Variants in TCF7L1 observed in about 807,000 individuals in gnomAD.
TCF7L1 encodes transcription factor 7 like 1.
Under a neutral mutation model 63.7 loss-of-function variants are expected in TCF7L1, and 18 were observed. The ratio of observed to expected loss-of-function variants is 0.28; its 90% CI spans 0.20 to 0.42. The LOEUF (loss-of-function observed/expected upper bound fraction) is 0.42. Among genes scored for constraint, TCF7L1 ranks in the 10% least tolerant of loss-of-function variants. The pLI, the probability that TCF7L1 is intolerant of heterozygous loss-of-function variation, is 1.00. For synonymous variants in TCF7L1, 355 were observed against 340.9 expected, an observed-to-expected ratio of 1.04 and a Z score of -0.46; for missense variants, 654 against 779.3, an observed-to-expected ratio of 0.84 and a Z score of 1.91.
intron 4 of TCF7L1, among the ~76,000 whole-genome samples, chr2:85,294,395 G>A (rs1195657082): frequency 2.6e-5 from 4 of 152,118 alleles, no homozygotes; most frequent in Non-Finnish European, 5.9e-5. Context: ...ATCACACTTT[G>A]CAGAGTTTGA....
At chr2:85,180,919 A>G (rs1450914250) in intron 3 of TCF7L1, among the ~76,000 whole-genome samples, 4 of 152,226 alleles carry the variant, frequency 2.6e-5, no homozygotes, top group Admixed American at 2.6e-4. Context: ...TCTGAAGCAC[A>G]TGATTCCTAG....
chr2:85,239,623 T>C (rs1469950936), intron 3 of TCF7L1, among the ~76,000 whole-genome samples: 1 of 152,112 alleles, frequency 6.6e-6, no homozygotes, highest in Non-Finnish European at 1.5e-5. Context: ...GAAGCAGTAA[T>C]TTTAAATTTT....
intron 3 of TCF7L1, among the ~76,000 whole-genome samples, chr2:85,212,243 T>C (rs1467233703): frequency 6.6e-6 from 1 of 152,090 alleles, no homozygotes; most frequent in Non-Finnish European, 1.5e-5. Flanking sequence ...CTCTGTGGTG[T>C]GTCTGGGCTG....
In TCF7L1 at chr2:85,302,549, C is replaced by T. The variant is rs1368642087; in HGVS notation, c.591C>T (p.Tyr197=). The T allele has an allele frequency of 6.2e-7, 1 of 1,614,102 alleles. No individual in the cohort carries two copies. The highest frequency in any genetic ancestry group is 8.5e-7 in the Non-Finnish European group (1 of 1,180,040). Reference sequence around the variant, plus strand: ...ATCCGCTGACTCCCCTCATCACCTACAGCAATGACCACTTCTCCCCCGGCT... The same window carrying T: ...ATCCGCTGACTCCCCTCATCACCTATAGCAATGACCACTTCTCCCCCGGCT... The part of the protein sequence containing the change: ...HMHPLTPLIT[Y]SNDHFSPGSP... Residue 197 remains tyrosine (Y), a synonymous_variant, in exon 5 of 12, where the codon TAC becomes TAT. Coordinates refer to ENST00000282111, the MANE Select transcript of TCF7L1 (RefSeq NM_031283.3).
chr2:85,307,845 C>T (rs1303856330), intron 11 of TCF7L1, 128 bp downstream of exon 11: 4 of 788,778 alleles, frequency 5.1e-6, no homozygotes, highest in Non-Finnish European at 8.3e-6. Context: ...GTATTATTAC[C>T]CCTTTCTCGA....
chr2:85,284,766 G>A (rs543462760), intron 4 of TCF7L1, among the ~76,000 whole-genome samples: 3 of 152,312 alleles, frequency 2.0e-5, no homozygotes, highest in South Asian at 2.1e-4. Flanking sequence ...GGTATTAGGC[G>A]TTGGGCTTCT....
At position 85,134,965 on chromosome 2, in the gene TCF7L1, C is replaced by T. The variant is rs942367216; in HGVS notation, c.441+515C>T. 2.6e-5 allele frequency among the ~76,000 whole-genome samples: 4 copies of T among 152,192 alleles called. No homozygotes were observed. The highest frequency in any genetic ancestry group is 9.6e-5 in the African/African-American group (4 of 41,458). ...CCCTCGCACCGGGGCCTCAGCTTTTCTGCGGAGCTAGCTCCGAATTTTAAA... is the reference window on the plus strand; with the variant it reads ...CCCTCGCACCGGGGCCTCAGCTTTTTTGCGGAGCTAGCTCCGAATTTTAAA... On this transcript the variant is annotated intron_variant, in intron 3 of 11. Transcript: ENST00000282111. The surrounding 1 kb of genome is among the most constrained non-coding windows in gnomAD (Gnocchi z 5.0).
intron 3 of TCF7L1, among the ~76,000 whole-genome samples, chr2:85,141,355 G>A (rs1677732622): frequency 6.6e-6 from 1 of 152,210 alleles, no homozygotes; most frequent in African/African-American, 2.4e-5. Context: ...GTAGAGAGAA[G>A]AGACATTAGC....
chr2:85,248,733 C>T (rs1680524738), intron 3 of TCF7L1, among the ~76,000 whole-genome samples: 1 of 152,150 alleles, frequency 6.6e-6, no homozygotes, highest in African/African-American at 2.4e-5. Flanking sequence ...CATAGCTGAT[C>T]CACCCACTTT....
At chr2:85,285,477 AGGAACCGTGAGTGCG>A (rs1486165533) in intron 4 of TCF7L1, among the ~76,000 whole-genome samples, 2 of 151,802 alleles carry the variant, frequency 1.3e-5, no homozygotes, top group African/African-American at 4.9e-5. Flanking sequence ...TGACAGTGGA[AGGAACCGTGAGTGCG>A]GGACCAGCCA....
rs536579991 is a variant in TCF7L1 at position 85,163,367 on chromosome 2, G to A, written c.441+28917G>A. 2.6e-5 allele frequency among the ~76,000 whole-genome samples: 4 copies of A among 152,264 alleles called. No homozygotes were observed. In the South Asian group the frequency reaches 8.3e-4, roughly 32 times the overall value. ...CCCTCCCCCATAAGACCATGGGCTG[G>A]TGGTAGAGTTGCCAGCAGTTCTTTC... On this transcript the variant is annotated intron_variant, in intron 3 of 11. Coordinates refer to ENST00000282111, the MANE Select transcript of TCF7L1 (RefSeq NM_031283.3).
At position 85,251,301 on chromosome 2, in the gene TCF7L1, C is replaced by T. The variant is rs1034885790; in HGVS notation, c.442-32194C>T. ...GTAGGTCACTGCCCTGCTTAATGAC[C>T]CATATCCGGATATTATTATGTCTAA... On this transcript the variant is annotated intron_variant, in intron 3 of 11. Coordinates refer to ENST00000282111, the MANE Select transcript of TCF7L1 (RefSeq NM_031283.3). Among the ~76,000 whole-genome samples the T allele has an allele frequency of 2.0e-5, 3 of 152,264 alleles. No homozygotes were observed. In the South Asian group the frequency reaches 6.2e-4, roughly 32 times the overall value.
intron 3 of TCF7L1, among the ~76,000 whole-genome samples, chr2:85,175,627 G>A (rs1678662974): frequency 1.3e-5 from 2 of 152,210 alleles, no homozygotes; most frequent in Admixed American, 1.3e-4. Flanking sequence ...GTAATCCCCA[G>A]TAGCAGATAA....
At chr2:85,259,384 G>C (rs1012685345) in intron 3 of TCF7L1, among the ~76,000 whole-genome samples, 1 of 152,168 alleles carries the variant, frequency 6.6e-6, no homozygotes, top group Non-Finnish European at 1.5e-5. Flanking sequence ...TTGGGAATTC[G>C]TATCTGTAGG....
At chr2:85,245,178 AG>A (rs1019287729) in intron 3 of TCF7L1, among the ~76,000 whole-genome samples, 1 of 152,198 alleles carries the variant, frequency 6.6e-6, no homozygotes, top group Non-Finnish European at 1.5e-5. Flanking sequence ...TAGGAGACTC[AG>A]GAAAAAGTCT....
At chr2:85,289,918 C>CCT (rs1681651839) in intron 4 of TCF7L1, among the ~76,000 whole-genome samples, 5 of 151,546 alleles carry the variant, frequency 3.3e-5, no homozygotes, top group Non-Finnish European at 5.9e-5. Flanking sequence ...ACGGGATCCG[C>CCT]GCACCTCAGC....
intron 3 of TCF7L1, among the ~76,000 whole-genome samples, chr2:85,262,871 G>T (rs1680888758): frequency 6.6e-6 from 1 of 152,162 alleles, no homozygotes; most frequent in Admixed American, 6.5e-5. Context: ...GCTAACACAG[G>T]GTACTTGCTA....
chr2:85,305,252 G>A lies in TCF7L1; in HGVS notation c.846-8G>A, dbSNP rs1403326517. On this transcript the variant is annotated splice_polypyrimidine_tract_variant and splice_region_variant and intron_variant, in intron 7 of 11. Coordinates refer to ENST00000282111, the MANE Select transcript of TCF7L1 (RefSeq NM_031283.3). ...CTCTGTTGCCATTTGTTTCTATCCG[G>A]TGCACAGCCTGGTCTCCAGTCGGTT... The A allele has an allele frequency of 6.2e-7, 1 of 1,614,048 alleles. No homozygotes were observed.
intron 4 of TCF7L1, among the ~76,000 whole-genome samples, chr2:85,291,005 C>A (rs918154384): frequency 1.1e-4 from 16 of 152,238 alleles, no homozygotes; most frequent in Non-Finnish European, 1.9e-4. Flanking sequence ...ATGTTTGCAG[C>A]CACATCACTG....
Sources: gnomAD v4.1 joint callset for allele counts (sites outside exome capture counted in the v4.1 genomes callset) on GRCh38, gnomAD v4.1.1 for gene constraint, Gnocchi (gnomAD v3.1) non-coding constraint, MANE v1.5 for transcripts, NCBI Gene and HGNC (gene_info 2026-07-23, HGNC 2026-07-21) for gene names.